The following AANAT variants were observed in gnomAD, a reference collection of about 807,000 sequenced individuals.
AANAT encodes aralkylamine N-acetyltransferase.
A neutral mutation model predicts 15.6 loss-of-function variants in AANAT; 11 were observed. The ratio of observed to expected loss-of-function variants is 0.71; its 90% CI spans 0.44 to 1.17. The LOEUF (loss-of-function observed/expected upper bound fraction) is 1.17, where lower values mean the gene tolerates loss of function less well. AANAT is among the 50% of genes most tolerant of loss of function. The probability of loss-of-function intolerance (pLI) is 0.00; values close to 1 mark genes in which losing one functional copy is unlikely to be tolerated. For missense variants in AANAT, 286 were observed against 296.3 expected (o/e 0.97, Z 0.26); for synonymous variants, 139 against 131.5 (o/e 1.06, Z -0.39).
intron 1 of AANAT, among the ~76,000 whole-genome samples, chr17:76,468,032 C>A (rs1412791294): frequency 6.6e-6 from 1 of 151,966 alleles, no homozygotes; most frequent in African/African-American, 2.4e-5. Context: ...AACCTCCCCA[C>A]CCCCCACCAC....
rs111559937 is a variant in AANAT, at chr17:76,454,910, C to T, written c.-576+1128C>T. Among the ~76,000 whole-genome samples, 652 of 151,610 alleles carry T rather than the reference C, an allele frequency of 4.3e-3. 2 individuals are homozygous for T. Among genetic ancestry groups the T allele is most frequent in the African/African-American group, 0.015 (616 of 41,320 alleles). On this transcript the variant is annotated intron_variant, in intron 1 of 6. Transcript: ENST00000250615. Reference sequence around the variant, plus strand: ...GGGAGACCGAGGCGGGTGGGAGACCCGAGGTCAGGAGTTCAAGACCAGCCT... The same window carrying T: ...GGGAGACCGAGGCGGGTGGGAGACCTGAGGTCAGGAGTTCAAGACCAGCCT...
chr17:76,461,045 A>G (rs1490840396), intron 2 of AANAT, among the ~76,000 whole-genome samples: 3 of 151,734 alleles, frequency 2.0e-5, no homozygotes, highest in Non-Finnish European at 4.4e-5. Context: ...TGTGCCTGTA[A>G]TCCCAGCTAC....
chr17:76,465,289 T>C (rs1296904393), upstream of AANAT, among the ~76,000 whole-genome samples: 2 of 150,796 alleles, frequency 1.3e-5, no homozygotes, highest in Non-Finnish European at 2.9e-5. Flanking sequence ...TCGGTGTCCC[T>C]GGCGTGAGGA....
At chr17:76,467,503 C>G (rs1230311213), upstream of AANAT, 6 of 980,318 alleles carry the variant, frequency 6.1e-6, no homozygotes, top group Non-Finnish European at 7.3e-6. Flanking sequence ...AGGCAGGGGC[C>G]GAGGCTGCCA....
chr17:76,455,524 G>C (rs922166825), intron 1 of AANAT, among the ~76,000 whole-genome samples: 4 of 152,222 alleles, frequency 2.6e-5, no homozygotes, highest in African/African-American at 9.6e-5. Context: ...TCAGAGGACA[G>C]ATTTAAATGG....
upstream of AANAT, among the ~76,000 whole-genome samples, chr17:76,465,293 G>A (rs1312339828): frequency 2.0e-5 from 3 of 151,902 alleles, no homozygotes; most frequent in South Asian, 2.1e-4. Context: ...TGTCCCTGGC[G>A]TGAGGATGAT....
rs921712630 is a variant in AANAT, at chr17:76,470,066, G to A, written c.*96G>A. On this transcript the variant is annotated 3_prime_UTR_variant, in exon 4 of 4. Transcript: ENST00000392492. ...ATGGAGACAGCAGTTTCCAGAGAGT[G>A]GAGAGAGCAGGGCTAAATAAAGAGG... is the stretch of plus-strand genomic sequence containing the variant. 33 of 1,286,648 alleles carry A rather than the reference G, an allele frequency of 2.6e-5. No homozygotes were observed. The Admixed American group carries it at 5.6e-4, about 22-fold the overall frequency. 79.7% of individuals were successfully genotyped at this position (1,286,648 alleles called of 1,614,324 possible). A position where few individuals can be genotyped will look rare whatever the true frequency, so the allele number is the denominator to read the frequency against.
chr17:76,467,839 T>G, intron 1 of AANAT, 112 bp downstream of exon 1: 3 of 721,418 alleles, frequency 4.2e-6, no homozygotes, highest in Non-Finnish European at 5.1e-6. Flanking sequence ...TTAAGTGTCT[T>G]GGAAGGTGGA....
chr17:76,469,807 G>C lies in AANAT; in HGVS notation c.461G>C (p.Arg154Pro). ...LHHLGSQPAV[R>P]RAALMCEDAL... ...CACCTGGGCAGCCAGCCGGCCGTGCGCCGGGCCGCGCTCATGTGCGAGGAC... is the reference window on the plus strand; with the variant it reads ...CACCTGGGCAGCCAGCCGGCCGTGCCCCGGGCCGCGCTCATGTGCGAGGAC... Residue 154 changes from arginine to proline, a missense_variant, in exon 4 of 4, where the codon CGC becomes CCC. Arg to Pro is a moderately radical substitution (Grantham distance 103). Transcript: ENST00000392492. The surrounding 1 kb of genome is among the most constrained non-coding windows in gnomAD (Gnocchi z 5.2). 6.2e-7 allele frequency: 1 copy of C among 1,602,352 alleles called. No homozygotes were observed. Among genetic ancestry groups the C allele is most frequent in the Non-Finnish European group, 8.5e-7 (1 of 1,175,500 alleles).
At position 76,469,606 on chromosome 17, in the gene AANAT, T is replaced by A. The variant is rs530167582; in HGVS notation, c.319-59T>A. On this transcript the variant is annotated intron_variant, in intron 3 of 3. Transcript: ENST00000392492. This position sits in a 1 kb window ranked among gnomAD's most constrained non-coding sequence, Gnocchi z 5.2. ...CCTGCTCCCTGCCTGGGTTGGTGGTTGGGGGGGAGCACGTGTCAGCAGAAG... is the reference window on the plus strand; with the variant it reads ...CCTGCTCCCTGCCTGGGTTGGTGGTAGGGGGGGAGCACGTGTCAGCAGAAG... 2.8e-6 allele frequency: 4 copies of A among 1,421,288 alleles called. No homozygotes were observed. The African/African-American group carries it at 4.3e-5, about 15-fold the overall frequency. The allele number at this position is 1,421,288 out of a possible 1,614,324, so 88.0% of individuals were successfully genotyped here. A position where few individuals can be genotyped will look rare whatever the true frequency, so the allele number is the denominator to read the frequency against.
chr17:76,463,219 C>T (rs548018074), upstream of AANAT, among the ~76,000 whole-genome samples: 5 of 152,126 alleles, frequency 3.3e-5, no homozygotes, highest in African/African-American at 7.2e-5. Context: ...CTTTAATCAA[C>T]GGCCTCTGCA....
upstream of AANAT, chr17:76,466,334 C>A: frequency 1.1e-6 from 1 of 906,632 alleles, no homozygotes; most frequent in Non-Finnish European, 1.6e-6. Flanking sequence ...TCCCTTCTAG[C>A]AGGCAGGTGG....
intron 1 of AANAT, among the ~76,000 whole-genome samples, chr17:76,454,457 C>T (rs535065268): frequency 6.6e-6 from 1 of 151,570 alleles, no homozygotes; most frequent in South Asian, 2.1e-4. Context: ...TGCACTCCAC[C>T]CTGGGCAACA....
chr17:76,468,681 G>A lies in AANAT; in HGVS notation c.-66G>A, dbSNP rs771439132. Reference sequence around the variant, plus strand: ...TGCTGTTCTCCAACAGGTGCTGGGAGGCCCTCCTTGGCTTAGGAGGACACT... The same window carrying A: ...TGCTGTTCTCCAACAGGTGCTGGGAAGCCCTCCTTGGCTTAGGAGGACACT... On this transcript the variant is annotated 5_prime_UTR_variant, in exon 2 of 4. Coordinates refer to ENST00000392492, the MANE Select transcript of AANAT (RefSeq NM_001088.3). 9.7e-6 allele frequency: 15 copies of A among 1,552,284 alleles called. No homozygotes were observed. In the African/African-American group the frequency reaches 1.9e-4, roughly 20 times the overall value.
upstream of AANAT, chr17:76,466,025 T>G: frequency 1.4e-6 from 1 of 691,214 alleles, no homozygotes; most frequent in Non-Finnish European, 2.5e-6. Context: ...TACTGCCTCA[T>G]CTTGTTCCCT....
At chr17:76,453,952 G>A (rs943996146) in intron 1 of AANAT, among the ~76,000 whole-genome samples, 2 of 152,204 alleles carry the variant, frequency 1.3e-5, no homozygotes, top group Non-Finnish European at 2.9e-5. Flanking sequence ...TATAAAAATA[G>A]GCACACTGAT....
At chr17:76,464,042 G>T (rs79796247), upstream of AANAT, among the ~76,000 whole-genome samples, 1 of 152,002 alleles carries the variant, frequency 6.6e-6, no homozygotes, top group African/African-American at 2.4e-5. Flanking sequence ...AACTGCTATA[G>T]AATATTCTGG....
Position 76,469,067 on chromosome 17 carries a change from A to C in AANAT, c.164-106A>C. The C allele has an allele frequency of 1.3e-6, 2 of 1,539,220 alleles. No homozygotes were observed. The highest frequency in any genetic ancestry group is 2.3e-5 in the East Asian group (1 of 44,322). ...GGGGGAAACAGCAGCCCTAACCCCC[A>C]TTTTCCTGTGGGGAACGGGGCATCT... On this transcript the variant is annotated intron_variant, in intron 2 of 3. Coordinates refer to ENST00000392492, the MANE Select transcript of AANAT (RefSeq NM_001088.3). The surrounding 1 kb of genome is among the most constrained non-coding windows in gnomAD (Gnocchi z 5.2).
At chr17:76,455,794 A>G (rs2073337833) in intron 1 of AANAT, among the ~76,000 whole-genome samples, 1 of 152,120 alleles carries the variant, frequency 6.6e-6, no homozygotes, top group African/African-American at 2.4e-5. Context: ...CAGATGGATC[A>G]TTTGAAGTCA....
Sources: gnomAD v4.1 joint callset for allele counts (sites outside exome capture counted in the v4.1 genomes callset) on GRCh38, gnomAD v4.1.1 for gene constraint, Gnocchi (gnomAD v3.1) non-coding constraint, MANE v1.5 for transcripts, NCBI Gene and HGNC (gene_info 2026-07-23, HGNC 2026-07-21) for gene names.